The following ACTN4 variants were observed in gnomAD, a reference collection of about 807,000 sequenced individuals.
ACTN4 encodes the protein actinin alpha 4.
A neutral mutation model predicts 114.2 loss-of-function variants in ACTN4; 18 were observed. That is an observed-to-expected ratio of 0.16 (90% confidence interval 0.11 to 0.23). The LOEUF (loss-of-function observed/expected upper bound fraction) is 0.23. ACTN4 is among the 10% of genes least tolerant of loss of function. The probability of loss-of-function intolerance (pLI) is 1.00; values close to 1 mark genes in which losing one functional copy is unlikely to be tolerated. For missense variants in ACTN4, 722 were observed against 1,262.9 expected (o/e 0.57, Z 6.49); for synonymous variants, 515 against 506.3 (o/e 1.02, Z -0.23).
At chr19:38,693,388 C>G (rs1056312046) in intron 1 of ACTN4, 2 of 152,612 alleles carry the variant, frequency 1.3e-5, no homozygotes, top group African/African-American at 4.8e-5. Flanking sequence ...CCTCCACCCC[C>G]TTCAGTTCTG....
At chr19:38,701,171 G>T (rs1232296780) in intron 3 of ACTN4, 50 bp downstream of exon 3, 1 of 1,611,284 alleles carries the variant, frequency 6.2e-7, no homozygotes, top group Non-Finnish European at 8.5e-7. Flanking sequence ...CTGACCTTTA[G>T]GCTCTGAAGC....
chr19:38,705,607 G>A (rs1444155972), intron 4 of ACTN4, among the ~76,000 whole-genome samples: 4 of 152,204 alleles, frequency 2.6e-5, no homozygotes, highest in African/African-American at 4.8e-5. Context: ...AGCTATCCAC[G>A]GGGAACAGAA....
At chr19:38,728,905 G>A (rs1350725843) in intron 19 of ACTN4, 91 bp from the exon 20 acceptor site, 11 of 1,542,604 alleles carry the variant, frequency 7.1e-6, no homozygotes, top group African/African-American at 1.4e-5. Context: ...CTACTCTCTC[G>A]GCTGTTTCCC....
chr19:38,723,820 C>G, intron 13 of ACTN4, 98 bp downstream of exon 13: 1 of 1,464,712 alleles, frequency 6.8e-7, no homozygotes, highest in Non-Finnish European at 9.4e-7. Flanking sequence ...CCCCCCACCT[C>G]CCACGGAGAG....
chr19:38,692,577 G>T (rs997185604), intron 1 of ACTN4, among the ~76,000 whole-genome samples: 1 of 152,048 alleles, frequency 6.6e-6, no homozygotes, highest in East Asian at 1.9e-4. Context: ...AGGCTTAGCC[G>T]TCTGGCCCTG....
chr19:38,666,229 C>G (rs987775214), intron 1 of ACTN4, among the ~76,000 whole-genome samples: 2 of 151,980 alleles, frequency 1.3e-5, no homozygotes, highest in African/African-American at 2.4e-5. Context: ...CCTGTCCCCC[C>G]CAAAAGCAAT....
chr19:38,680,212 GTT>G lies in ACTN4; in HGVS notation c.163-20356_163-20355del, dbSNP rs75920199. On this transcript the variant is annotated intron_variant, in intron 1 of 20. Transcript: ENST00000252699. The stretch of plus-strand genomic sequence containing the variant: ...CCTGTCCATAGCTGGAGCTCAGGAA[GTT>G]TTTTTTTTTTTTTTTTTTTTTTTTT... 8.4e-3 allele frequency among the ~76,000 whole-genome samples: 1,033 copies of G among 123,568 alleles called. 5 individuals are homozygous for G. Among genetic ancestry groups the G allele is most frequent in the Admixed American group, 0.022 (243 of 10,802 alleles). 81.1% of individuals were successfully genotyped at this position (123,568 alleles called of 152,430 possible).
intron 1 of ACTN4, among the ~76,000 whole-genome samples, chr19:38,692,573 A>G (rs1271203111): frequency 6.6e-6 from 1 of 152,234 alleles, no homozygotes; most frequent in African/African-American, 2.4e-5. Flanking sequence ...CAGAAGGCTT[A>G]GCCGTCTGGC....
intron 3 of ACTN4, among the ~76,000 whole-genome samples, chr19:38,703,906 G>A (rs186275248): frequency 1.3e-5 from 2 of 152,216 alleles, no homozygotes; most frequent in African/African-American, 4.8e-5. Flanking sequence ...CAGGCTAGGG[G>A]CGTGCTTTGT....
intron 1 of ACTN4, among the ~76,000 whole-genome samples, chr19:38,693,821 C>T (rs146531999): frequency 6.6e-6 from 1 of 152,186 alleles, no homozygotes; most frequent in Non-Finnish European, 1.5e-5. Flanking sequence ...AGAAACTGCT[C>T]TTGGGGCCCC....
intron 1 of ACTN4, among the ~76,000 whole-genome samples, chr19:38,684,995 G>A (rs769533862): frequency 1.3e-5 from 2 of 152,132 alleles, no homozygotes; most frequent in African/African-American, 4.8e-5. Flanking sequence ...AGCCAGGGTG[G>A]AAGGCAGTGG....
Position 38,711,352 on chromosome 19 carries a change from G to C in ACTN4, c.819+1010G>C, listed in dbSNP as rs776381274. On this transcript the variant is annotated intron_variant, in intron 8 of 20. Coordinates refer to ENST00000252699, the MANE Select transcript of ACTN4 (RefSeq NM_004924.6). ...CCTGCTTCTACCACGCTTTCTCGGG[G>C]GCTCAGAAGGTGAGCTGGGCCAGGC... The C allele has an allele frequency of 1.1e-5, 11 of 1,039,224 alleles. No homozygotes were observed. The East Asian group carries it at 4.9e-4, about 46-fold the overall frequency. 64.4% of individuals were successfully genotyped at this position (1,039,224 alleles called of 1,614,324 possible).
chr19:38,713,360 G>C (rs1005385177), intron 8 of ACTN4, among the ~76,000 whole-genome samples: 1 of 152,208 alleles, frequency 6.6e-6, no homozygotes, highest in Non-Finnish European at 1.5e-5. Context: ...TTGAGTTTCG[G>C]GTGCCAGTTG....
chr19:38,667,488 C>G (rs1034105962), intron 1 of ACTN4, among the ~76,000 whole-genome samples: 34 of 152,282 alleles, frequency 2.2e-4, no homozygotes, highest in African/African-American at 7.9e-4. Flanking sequence ...AAAAAATCCT[C>G]TCTTACTATT....
In ACTN4 at chr19:38,673,716, T is replaced by TA. The variant is rs1491154686; in HGVS notation, c.162+25809_162+25810insA. On this transcript the variant is annotated intron_variant, in intron 1 of 20. Transcript: ENST00000252699. ...TTATATATATTTATATATTTATATATTTATATATACTTATATATATTTATA... is the reference window on the plus strand; with the variant it reads ...TTATATATATTTATATATTTATATATATTATATATACTTATATATATTTATA... Among the ~76,000 whole-genome samples the TA allele has an allele frequency of 9.1e-5, 8 of 88,086 alleles. No individual in the cohort carries two copies. In the East Asian group the frequency reaches 1.3e-3, roughly 15 times the overall value. The allele number at this position is 88,086 out of a possible 152,430, so 57.8% of individuals were successfully genotyped here.
intron 1 of ACTN4, among the ~76,000 whole-genome samples, chr19:38,671,175 C>T (rs1016514906): frequency 3.9e-5 from 6 of 152,162 alleles, no homozygotes; most frequent in Non-Finnish European, 8.8e-5. Flanking sequence ...TTTGCTTTAG[C>T]TGTGGTTTTC....
chr19:38,705,245 T>C (rs973492652), intron 4 of ACTN4, among the ~76,000 whole-genome samples: 4 of 152,156 alleles, frequency 2.6e-5, no homozygotes, highest in Non-Finnish European at 5.9e-5. Context: ...TCTCACAGCC[T>C]CATCTCAGTG....
At chr19:38,706,021 C>G in intron 4 of ACTN4, 23 bp from the exon 5 acceptor site, 2 of 1,613,124 alleles carry the variant, frequency 1.2e-6, no homozygotes, top group Non-Finnish European at 1.7e-6. Flanking sequence ...AGCCAGTGCT[C>G]ACTGTCTTTG....
chr19:38,728,871 G>A, intron 19 of ACTN4, 125 bp from the exon 20 acceptor site: 2 of 1,225,700 alleles, frequency 1.6e-6, no homozygotes, highest in Non-Finnish European at 2.4e-6. Flanking sequence ...GGGGAACAGG[G>A]CGCACGCACA....
Sources: allele counts gnomAD v4.1 joint callset (sites outside exome capture counted in the v4.1 genomes callset), GRCh38; gene constraint gnomAD v4.1.1; transcripts MANE v1.5; gene names NCBI Gene and HGNC (gene_info 2026-07-23, HGNC 2026-07-21).